The following LHFPL6 variants were observed in gnomAD, a reference collection of about 807,000 sequenced individuals.
LHFPL6 encodes LHFPL tetraspan subfamily member 6.
In LHFPL6, 9 loss-of-function variants were observed where a neutral mutation model predicts 20.6. The ratio of observed to expected loss-of-function variants is 0.44; its 90% CI spans 0.26 to 0.76. LHFPL6 has a LOEUF of 0.76. Ranked by LOEUF, LHFPL6 falls within the 30% of genes least tolerant of loss-of-function variation. The pLI is 0.20. For missense variants in LHFPL6, 218 were observed against 253.5 expected, an observed-to-expected ratio of 0.86 and a Z score of 0.95; for synonymous variants, 105 against 98.7, an observed-to-expected ratio of 1.06 and a Z score of -0.38.
chr13:39,470,327 G>C (rs1343847668), intron 2 of LHFPL6, among the ~76,000 whole-genome samples: 1 of 152,018 alleles, frequency 6.6e-6, no homozygotes, highest in Non-Finnish European at 1.5e-5. Flanking sequence ...AGCAAAATTA[G>C]CTTCAATTTT....
chr13:39,545,597 A>G (rs1253149282), intron 2 of LHFPL6, among the ~76,000 whole-genome samples: 2 of 152,132 alleles, frequency 1.3e-5, no homozygotes, highest in Admixed American at 6.5e-5. Context: ...GATTGGTTAC[A>G]GGATCCTTGC....
rs1323933 is a variant in LHFPL6, at chr13:39,388,839, G to T, written c.386-10313C>A. Among the ~76,000 whole-genome samples the T allele has an allele frequency of 7.6e-3, 1,151 of 152,258 alleles. 23 individuals carry two copies. The highest frequency in any genetic ancestry group is 0.027 in the African/African-American group (1,112 of 41,534). On this transcript the variant is annotated intron_variant, in intron 2 of 3. Coordinates refer to ENST00000379589, the MANE Select transcript of LHFPL6 (RefSeq NM_005780.3). ...CCCAGCCACCTCCAAGCCTTCCCCTGACATCTGTACAGATCTTTGATTCCT... is the reference window on the plus strand; with the variant it reads ...CCCAGCCACCTCCAAGCCTTCCCCTTACATCTGTACAGATCTTTGATTCCT...
At chr13:39,599,295 A>C (rs1367705857) in intron 2 of LHFPL6, among the ~76,000 whole-genome samples, 1 of 152,242 alleles carries the variant, frequency 6.6e-6, no homozygotes. Context: ...CAAACAGCAG[A>C]CCAACTTTAT....
chr13:39,564,876 G>A (rs1412248986), intron 2 of LHFPL6, among the ~76,000 whole-genome samples: 2 of 152,186 alleles, frequency 1.3e-5, no homozygotes, highest in Non-Finnish European at 2.9e-5. Flanking sequence ...GCAAGGTTCT[G>A]TAAACTCTGT....
chr13:39,384,534 G>A (rs1380658463), intron 2 of LHFPL6, among the ~76,000 whole-genome samples: 1 of 152,160 alleles, frequency 6.6e-6, no homozygotes, highest in Non-Finnish European at 1.5e-5. Context: ...CCCATGTTGT[G>A]GAAATCAATG....
At chr13:39,549,095 A>G (rs149336705) in intron 2 of LHFPL6, among the ~76,000 whole-genome samples, 1 of 152,284 alleles carries the variant, frequency 6.6e-6, no homozygotes, top group East Asian at 1.9e-4. Flanking sequence ...AAATGATCAA[A>G]AGATTTTGAA....
intron 2 of LHFPL6, among the ~76,000 whole-genome samples, chr13:39,379,509 G>A (rs78324892): frequency 0.01 from 1,523 of 152,248 alleles, 22 homozygotes; most frequent in African/African-American, 0.034. Flanking sequence ...ATATGGTAAC[G>A]TGGAAGAGGA....
At chr13:39,440,795 G>T (rs1250976800) in intron 2 of LHFPL6, among the ~76,000 whole-genome samples, 1 of 152,138 alleles carries the variant, frequency 6.6e-6, no homozygotes, top group Non-Finnish European at 1.5e-5. Flanking sequence ...ACGTGTCGTG[G>T]GAGGAACCTG....
chr13:39,537,906 C>CA (rs1177248730), intron 2 of LHFPL6, among the ~76,000 whole-genome samples: 1 of 151,972 alleles, frequency 6.6e-6, no homozygotes, highest in Non-Finnish European at 1.5e-5. Flanking sequence ...AAAAAGGGAG[C>CA]AAGAAATCAA....
At chr13:39,501,914 G>A (rs906921785) in intron 2 of LHFPL6, among the ~76,000 whole-genome samples, 6 of 152,318 alleles carry the variant, frequency 3.9e-5, no homozygotes, top group Middle Eastern at 3.4e-3. Context: ...CAGATCAAAG[G>A]GGACCTGGGC....
chr13:39,370,741 C>G (rs1870143340), intron 3 of LHFPL6, among the ~76,000 whole-genome samples: 1 of 152,210 alleles, frequency 6.6e-6, no homozygotes, highest in South Asian at 2.1e-4. Context: ...GAGCATGAAG[C>G]AACCCGAAAA....
At chr13:39,393,439 C>A (rs1485109366) in intron 2 of LHFPL6, among the ~76,000 whole-genome samples, 1 of 152,168 alleles carries the variant, frequency 6.6e-6, no homozygotes, top group African/African-American at 2.4e-5. Context: ...TCATTTTAGG[C>A]TGGACCTGAG....
chr13:39,422,475 A>T (rs1871518150), intron 2 of LHFPL6, among the ~76,000 whole-genome samples: 3 of 151,636 alleles, frequency 2.0e-5, no homozygotes, highest in Admixed American at 2.0e-4. Context: ...AATCTCAGCT[A>T]CTCAGGAGGC....
intron 2 of LHFPL6, among the ~76,000 whole-genome samples, chr13:39,433,739 T>A (rs1473980832): frequency 6.6e-6 from 1 of 152,238 alleles, no homozygotes; most frequent in East Asian, 1.9e-4. Context: ...CCTTGATTGC[T>A]GCTCAAAGCT....
At chr13:39,378,190 G>A (rs546011095) in intron 3 of LHFPL6, among the ~76,000 whole-genome samples, 3 of 152,198 alleles carry the variant, frequency 2.0e-5, no homozygotes, top group Admixed American at 6.5e-5. Context: ...TAAACTCTTC[G>A]GGGCAGGGGC....
chr13:39,463,556 G>A (rs113897411), intron 2 of LHFPL6, among the ~76,000 whole-genome samples: 3 of 152,108 alleles, frequency 2.0e-5, no homozygotes, highest in Admixed American at 6.6e-5. Context: ...AGGTAGGGGC[G>A]AAGGTCATAG....
chr13:39,516,590 G>A (rs1869927316), intron 2 of LHFPL6, among the ~76,000 whole-genome samples: 1 of 152,206 alleles, frequency 6.6e-6, no homozygotes, highest in Non-Finnish European at 1.5e-5. Flanking sequence ...AAGGATGACT[G>A]GATGTTAATT....
At chr13:39,497,015 G>T (rs1160632946) in intron 2 of LHFPL6, among the ~76,000 whole-genome samples, 1 of 152,164 alleles carries the variant, frequency 6.6e-6, no homozygotes, top group Admixed American at 6.5e-5. Context: ...CTAACTGCTG[G>T]CTGTAAATTG....
At chr13:39,574,294 A>G (rs1036861138) in intron 2 of LHFPL6, among the ~76,000 whole-genome samples, 1 of 152,046 alleles carries the variant, frequency 6.6e-6, no homozygotes, top group Admixed American at 6.5e-5. Flanking sequence ...CATCCTGGCT[A>G]ACATGGTGAA....
Sources: allele counts gnomAD v4.1 joint callset (sites outside exome capture counted in the v4.1 genomes callset), GRCh38; gene constraint gnomAD v4.1.1; transcripts MANE v1.5; gene names NCBI Gene and HGNC (gene_info 2026-07-23, HGNC 2026-07-21).